The following MMP26 variants were observed in gnomAD, a reference collection of about 807,000 sequenced individuals.
MMP26 encodes matrix metalloproteinase-26.
Under a neutral mutation model 31.0 loss-of-function variants are expected in MMP26, and 33 were observed. That is an observed-to-expected ratio of 1.06 (90% CI 0.81 to 1.42). The LOEUF (loss-of-function observed/expected upper bound fraction) is 1.42, where lower values mean the gene tolerates loss of function less well. Ranked by LOEUF, MMP26 falls within the 40% of genes most tolerant of loss-of-function variation. The probability of loss-of-function intolerance (pLI) is 0.00; values close to 1 mark genes in which losing one functional copy is unlikely to be tolerated. For synonymous variants in MMP26, 122 were observed against 114.9 expected (o/e 1.06, Z -0.40); for missense variants, 347 against 316.1 (o/e 1.10, Z -0.74).
chr11:4,768,686 T>A (rs989639932), intron 2 of MMP26, among the ~76,000 whole-genome samples: 1 of 152,182 alleles, frequency 6.6e-6, no homozygotes, highest in Non-Finnish European at 1.5e-5. Flanking sequence ...ATGGAATATG[T>A]CTTAAAAGCA....
At chr11:4,915,020 T>A in intron 2 of MMP26, 1 of 1,613,562 alleles carries the variant, frequency 6.2e-7, no homozygotes, top group Non-Finnish European at 8.5e-7. Flanking sequence ...GAGCAGTGAG[T>A]CTATACCCAC....
At chr11:4,802,485 G>A (rs1179363219) in intron 2 of MMP26, among the ~76,000 whole-genome samples, 3 of 152,094 alleles carry the variant, frequency 2.0e-5, no homozygotes, top group South Asian at 4.1e-4. Context: ...AAGTCCTTGG[G>A]ACTGAGAGGT....
intron 2 of MMP26, among the ~76,000 whole-genome samples, chr11:4,986,445 T>C (rs1052947753): frequency 6.8e-6 from 1 of 147,914 alleles, no homozygotes; most frequent in Admixed American, 6.8e-5. Context: ...CCTCCCAGGC[T>C]CAAATGATCC....
intron 2 of MMP26, among the ~76,000 whole-genome samples, chr11:4,872,124 A>G (rs917455193): frequency 1.3e-5 from 2 of 152,116 alleles, no homozygotes; most frequent in Non-Finnish European, 2.9e-5. Context: ...TCTTTAAATG[A>G]GATAGGACAT....
At chr11:4,917,109 A>T (rs1274171456) in intron 2 of MMP26, among the ~76,000 whole-genome samples, 2 of 152,034 alleles carry the variant, frequency 1.3e-5, no homozygotes, top group Admixed American at 6.6e-5. Context: ...CTATTAATCC[A>T]GTATTTAGAA....
At chr11:4,866,755 AAC>A (rs1850240415) in intron 2 of MMP26, among the ~76,000 whole-genome samples, 1 of 152,174 alleles carries the variant, frequency 6.6e-6, no homozygotes, top group South Asian at 2.1e-4. Flanking sequence ...AATGGGAAAG[AAC>A]AGAAAACCCA....
At chr11:4,705,409 T>G (rs185171818) in intron 1 of MMP26, among the ~76,000 whole-genome samples, 6 of 152,342 alleles carry the variant, frequency 3.9e-5, no homozygotes, top group Admixed American at 2.6e-4. Context: ...GACTCGATTA[T>G]CTAATCTTAC....
rs745347229 is a variant in MMP26, at chr11:4,923,380, C to A, written c.-144-64688C>A. On this transcript the variant is annotated intron_variant, in intron 2 of 7. Transcript: ENST00000380390. ...TTCCTCTCTTTACTCTAACTTAATC[C>A]TTCCAAAAACACCTAAGTGACTTTA... The A allele has an allele frequency of 7.8e-6, 12 of 1,545,224 alleles. No individual in the cohort carries two copies. The highest frequency in any genetic ancestry group is 9.6e-6 in the Non-Finnish European group (11 of 1,146,914).
intron 3 of MMP26, 52 bp downstream of exon 3, chr11:4,988,362 T>G: frequency 1.4e-6 from 2 of 1,384,896 alleles, no homozygotes; most frequent in Non-Finnish European, 2.1e-6. Flanking sequence ...TTGTGGGCTC[T>G]TATTTCGTGT....
chr11:4,881,815 T>G (rs1401425292), intron 2 of MMP26: 4 of 1,197,458 alleles, frequency 3.3e-6, no homozygotes. Context: ...AAATTGTATA[T>G]AAAATGACTA....
At chr11:4,799,658 A>G (rs1232023552) in intron 2 of MMP26, among the ~76,000 whole-genome samples, 3 of 152,122 alleles carry the variant, frequency 2.0e-5, no homozygotes, top group Non-Finnish European at 2.9e-5. Flanking sequence ...CATTCCAGCA[A>G]CAAGTCCAAA....
At chr11:4,852,374 A>G (rs1028615849) in intron 2 of MMP26, among the ~76,000 whole-genome samples, 1 of 152,210 alleles carries the variant, frequency 6.6e-6, no homozygotes, top group African/African-American at 2.4e-5. Flanking sequence ...AATACTCTCC[A>G]CAATAGCAGA....
chr11:4,769,648 C>T, intron 2 of MMP26: 1 of 1,613,142 alleles, frequency 6.2e-7, no homozygotes, highest in African/African-American at 1.3e-5. Context: ...TTTCACGTGC[C>T]TCAAACCAGA....
chr11:4,706,796 A>G (rs79404231), intron 1 of MMP26, among the ~76,000 whole-genome samples: 3,072 of 152,208 alleles, frequency 0.02, 127 homozygotes, highest in African/African-American at 0.07. Flanking sequence ...GTCTGTTGCA[A>G]TCACCATTCT....
At position 4,768,893 on chromosome 11, in the gene MMP26, A is replaced by G. The variant is rs548887214; in HGVS notation, c.-145+1552A>G. 27 of 726,312 alleles carry G rather than the reference A, an allele frequency of 3.7e-5. No individual in the cohort carries two copies. In the South Asian group the frequency reaches 6.0e-4, roughly 16 times the overall value. The allele number at this position is 726,312 out of a possible 1,614,324, so 45.0% of individuals were successfully genotyped here. On this transcript the variant is annotated intron_variant, in intron 2 of 7. Coordinates refer to ENST00000380390, the MANE Select transcript of MMP26 (RefSeq NM_021801.5). ...AATGAAAAATATTTTAAAAACCCACATGCAATAGGCAGTAAGAGAGCAAGT... is the reference window on the plus strand; with the variant it reads ...AATGAAAAATATTTTAAAAACCCACGTGCAATAGGCAGTAAGAGAGCAAGT...
At position 4,793,755 on chromosome 11, in the gene MMP26, T is replaced by C. The variant is rs373950886; in HGVS notation, c.-145+26414T>C. The C allele has an allele frequency of 9.4e-4, 143 of 152,298 alleles. 1 individual carries two copies. The highest frequency in any genetic ancestry group is 3.2e-3 in the African/African-American group (134 of 41,576). The allele number at this position is 152,298 out of a possible 1,614,324, so 9.4% of individuals were successfully genotyped here. A position where few individuals can be genotyped will look rare whatever the true frequency, so the allele number is the denominator to read the frequency against. On this transcript the variant is annotated intron_variant, in intron 2 of 7. Transcript: ENST00000380390. The stretch of plus-strand genomic sequence containing the variant: ...ATTAACAGGAATAAAGAAAATCAAG[T>C]TGGTGATTCTATGGCAGGAAATTTT...
At chr11:4,982,807 C>T (rs561001654) in intron 2 of MMP26, among the ~76,000 whole-genome samples, 47 of 152,248 alleles carry the variant, frequency 3.1e-4, no homozygotes, top group African/African-American at 1.1e-3. Context: ...TCAGGCAAAA[C>T]CTATACTCTA....
At chr11:4,758,539 TA>T (rs1206321406) in intron 1 of MMP26, among the ~76,000 whole-genome samples, 2 of 151,064 alleles carry the variant, frequency 1.3e-5, no homozygotes, top group African/African-American at 4.9e-5. Context: ...TTCTGATGGT[TA>T]AATATGTAAA....
chr11:4,920,500 C>T (rs1190880747), intron 2 of MMP26, among the ~76,000 whole-genome samples: 2 of 152,132 alleles, frequency 1.3e-5, no homozygotes, highest in African/African-American at 4.8e-5. Flanking sequence ...CATTATGACA[C>T]AGAAAGGAAA....
Sources: allele counts gnomAD v4.1 joint callset (sites outside exome capture counted in the v4.1 genomes callset), GRCh38; gene constraint gnomAD v4.1.1; transcripts MANE v1.5; gene names NCBI Gene and HGNC (gene_info 2026-07-23, HGNC 2026-07-21).